CCDC171: variants seen among roughly 807,000 people sequenced by gnomAD.
CCDC171 encodes the protein coiled-coil domain containing 171.
CCDC171 carries 177 observed loss-of-function variants against 168.2 expected under a neutral mutation model. The observed-to-expected ratio is 1.05, with a 90% CI of 0.93 to 1.19. The LOEUF is 1.19. Ranked by LOEUF, CCDC171 falls within the 50% of genes most tolerant of loss-of-function variation. The probability of loss-of-function intolerance (pLI) is 0.00; values close to 1 mark genes in which losing one functional copy is unlikely to be tolerated. For missense variants in CCDC171, 1,991 were observed against 1,539.0 expected, an observed-to-expected ratio of 1.29 and a Z score of -4.91; for synonymous variants, 687 against 540.8, an observed-to-expected ratio of 1.27 and a Z score of -3.75.
the CCDC171 span, among the ~76,000 whole-genome samples, chr9:16,078,079 C>T: frequency 0.016 from 2,425 of 148,342 alleles, 68 homozygotes; most frequent in African/African-American, 0.06. Context: ...CACACACACA[C>T]ACACACACAC....
rs146144520 is a variant in CCDC171, at chr9:15,877,809, C to T, written c.3600+3146C>T. 1.0e-3 allele frequency among the ~76,000 whole-genome samples: 152 copies of T among 152,186 alleles called. 2 individuals are homozygous for T. The highest frequency in any genetic ancestry group is 3.3e-3 in the African/African-American group (139 of 41,536). On this transcript the variant is annotated intron_variant, in intron 24 of 25. Coordinates refer to ENST00000380701, the MANE Select transcript of CCDC171 (RefSeq NM_173550.4). ...AATACCTATTATTCATTATCTTATA[C>T]TCTGAATTACAATTTTTCAATAATT...
At chr9:15,980,561 T>C (rs550991934) in intron 3 of CCDC171, among the ~76,000 whole-genome samples, 23 of 152,240 alleles carry the variant, frequency 1.5e-4, no homozygotes, top group African/African-American at 5.3e-4. Context: ...AGACCTACTT[T>C]AATTGATTTC....
At chr9:15,983,373 A>G (rs1194411866) in intron 3 of CCDC171, among the ~76,000 whole-genome samples, 1 of 151,718 alleles carries the variant, frequency 6.6e-6, no homozygotes, top group African/African-American at 2.4e-5. Flanking sequence ...TTCTTTTTTT[A>G]AAAAAACATA....
intron 3 of CCDC171, 74 bp from the exon 4 acceptor site, chr9:15,578,775 T>C: frequency 8.1e-7 from 1 of 1,229,364 alleles, no homozygotes; most frequent in East Asian, 2.4e-5. Flanking sequence ...CAAGTTTCTC[T>C]AAGAAACTTA....
chr9:15,574,284 A>G (rs1396592605), intron 3 of CCDC171, among the ~76,000 whole-genome samples: 1 of 152,074 alleles, frequency 6.6e-6, no homozygotes, highest in African/African-American at 2.4e-5. Context: ...AGCTGGGATT[A>G]CAGGTGCCTG....
intron 10 of CCDC171, among the ~76,000 whole-genome samples, chr9:15,692,688 C>T (rs2050898711): frequency 6.6e-6 from 1 of 151,586 alleles, no homozygotes; most frequent in Non-Finnish European, 1.5e-5. Context: ...CCACCATGCC[C>T]AGCTAATTTT....
intron 7 of CCDC171, among the ~76,000 whole-genome samples, chr9:15,632,374 A>G (rs1358686797): frequency 6.6e-6 from 1 of 152,004 alleles, no homozygotes; most frequent in East Asian, 1.9e-4. Flanking sequence ...TTATACACCA[A>G]TAACAGACAA....
At chr9:15,777,257 A>C (rs2057375967) in intron 18 of CCDC171, among the ~76,000 whole-genome samples, 1 of 152,230 alleles carries the variant, frequency 6.6e-6, no homozygotes, top group Non-Finnish European at 1.5e-5. Flanking sequence ...ATAGTATGGC[A>C]TGAAGGTAAC....
chr9:15,922,224 GC>G, intron 25 of CCDC171: 1 of 346,532 alleles, frequency 2.9e-6, no homozygotes. Context: ...GGAGAATGCT[GC>G]CCAATTCCAT....
chr9:15,781,201 A>G (rs567404804), intron 20 of CCDC171, among the ~76,000 whole-genome samples: 1 of 152,354 alleles, frequency 6.6e-6, no homozygotes, highest in South Asian at 2.1e-4. Flanking sequence ...GTATTAAGAA[A>G]ACAAGTTTGC....
intron 20 of CCDC171, among the ~76,000 whole-genome samples, chr9:15,782,660 A>C (rs1173153044): frequency 1.3e-5 from 2 of 152,196 alleles, no homozygotes; most frequent in Admixed American, 1.3e-4. Context: ...AACACATTGA[A>C]GATAGAAGAG....
At chr9:15,588,198 G>A (rs2041714866) in intron 4 of CCDC171, among the ~76,000 whole-genome samples, 1 of 152,148 alleles carries the variant, frequency 6.6e-6, no homozygotes, top group African/African-American at 2.4e-5. Flanking sequence ...TTGCGCCACT[G>A]TACTCCAGCC....
chr9:16,094,363 T>C, the CCDC171 span, among the ~76,000 whole-genome samples: 4 of 152,208 alleles, frequency 2.6e-5, no homozygotes, highest in Non-Finnish European at 5.9e-5. Flanking sequence ...AAATGGTTCA[T>C]GTGTTCACAT....
chr9:15,779,986 A>G (rs180860883), intron 20 of CCDC171, among the ~76,000 whole-genome samples: 86 of 152,364 alleles, frequency 5.6e-4, no homozygotes, highest in African/African-American at 1.9e-3. Flanking sequence ...AGACTGTACA[A>G]CTTAAAACAG....
rs146924829 is a variant in CCDC171 at position 15,932,044 on chromosome 9, G to A, written c.3753+11622G>A. Reference sequence around the variant, plus strand: ...TGAAGTCAGGTAGTATGATGCCTGTGGCTTTGTTTCATTTGCTCAGGATTG... The same window carrying A: ...TGAAGTCAGGTAGTATGATGCCTGTAGCTTTGTTTCATTTGCTCAGGATTG... On this transcript the variant is annotated intron_variant, in intron 25 of 25. Transcript: ENST00000380701. 5.1e-4 allele frequency among the ~76,000 whole-genome samples: 77 copies of A among 151,856 alleles called. No individual in the cohort carries two copies. In the East Asian group the frequency reaches 5.8e-3, roughly 12 times the overall value.
At chr9:15,899,697 T>C (rs779318560) in intron 24 of CCDC171, among the ~76,000 whole-genome samples, 3 of 152,220 alleles carry the variant, frequency 2.0e-5, no homozygotes, top group Non-Finnish European at 4.4e-5. Flanking sequence ...TGCCTTTTGC[T>C]CATTTTCTAA....
At chr9:15,789,553 A>G (rs1269957053) in intron 21 of CCDC171, among the ~76,000 whole-genome samples, 2 of 152,212 alleles carry the variant, frequency 1.3e-5, no homozygotes, top group East Asian at 3.8e-4. Context: ...AGAAGCCAAC[A>G]AAGAGTAAGA....
At chr9:15,697,882 A>G (rs150605990) in intron 11 of CCDC171, among the ~76,000 whole-genome samples, 2 of 152,166 alleles carry the variant, frequency 1.3e-5, no homozygotes, top group African/African-American at 2.4e-5. Flanking sequence ...ATAATTTTAC[A>G]TACTTTCATA....
chr9:15,577,080 T>C (rs2040729677), intron 3 of CCDC171, among the ~76,000 whole-genome samples: 1 of 152,236 alleles, frequency 6.6e-6, no homozygotes, highest in South Asian at 2.1e-4. Context: ...TCCTACTTAA[T>C]ATCCAGCTGA....
Sources: gnomAD v4.1 joint callset for allele counts (sites outside exome capture counted in the v4.1 genomes callset) on GRCh38, gnomAD v4.1.1 for gene constraint, MANE v1.5 for transcripts, NCBI Gene and HGNC (gene_info 2026-07-23, HGNC 2026-07-21) for gene names.